Variants in CRYBG1 observed in about 807,000 individuals in gnomAD.
CRYBG1 encodes crystallin beta-gamma domain containing 1.
CRYBG1 carries 139 observed loss-of-function variants against 189.2 expected under a neutral mutation model. That is an observed-to-expected ratio of 0.73 (90% CI 0.64 to 0.85). CRYBG1 has a LOEUF of 0.85. Among genes scored for constraint, CRYBG1 ranks in the 40% least tolerant of loss-of-function variants. The pLI is 0.00. For missense variants in CRYBG1, 2,611 were observed against 2,675.8 expected (o/e 0.98, Z 0.53); for synonymous variants, 1,023 against 1,017.1 (o/e 1.01, Z -0.11).
At chr6:106,566,462 G>GTTTTT (rs1312190668) in intron 21 of CRYBG1, among the ~76,000 whole-genome samples, 4 of 90,966 alleles carry the variant, frequency 4.4e-5, no homozygotes, top group African/African-American at 9.3e-5. Flanking sequence ...AGCAACAACA[G>GTTTTT]TCTTTTTTTT....
chr6:106,527,546 T>G, intron 7 of CRYBG1, 76 bp downstream of exon 7: 2 of 1,454,804 alleles, frequency 1.4e-6, no homozygotes. Flanking sequence ...AATGATCATT[T>G]TACGAAATAT....
intron 2 of CRYBG1, among the ~76,000 whole-genome samples, chr6:106,479,538 A>G (rs1257372507): frequency 1.3e-5 from 2 of 152,150 alleles, no homozygotes; most frequent in Non-Finnish European, 2.9e-5. Context: ...TCATTTAACA[A>G]TCCCACCAGT....
At chr6:106,551,098 T>C (rs4946762) in intron 13 of CRYBG1, among the ~76,000 whole-genome samples, 121,866 of 152,050 alleles carry the variant, frequency 0.8, 51,856 homozygotes, top group South Asian at 0.96. Context: ...AACCTGAGCA[T>C]AGCATGCAAC....
At chr6:106,539,236 T>A (rs1774074007) in intron 8 of CRYBG1, among the ~76,000 whole-genome samples, 167 bp from the exon 9 acceptor site, 1 of 152,232 alleles carries the variant, frequency 6.6e-6, no homozygotes, top group Non-Finnish European at 1.5e-5. Flanking sequence ...AATGGCTTTA[T>A]TTTTCCTTGA....
intron 8 of CRYBG1, 86 bp downstream of exon 8, chr6:106,530,401 CTAATT>C: frequency 2.3e-6 from 3 of 1,277,984 alleles, no homozygotes; most frequent in Non-Finnish European, 3.2e-6. Context: ...TACTCTGACT[CTAATT>C]TGTCATCCTG....
chr6:106,388,119 C>T (rs1215447991), intron 1 of CRYBG1, among the ~76,000 whole-genome samples: 1 of 152,190 alleles, frequency 6.6e-6, no homozygotes, highest in Non-Finnish European at 1.5e-5. Flanking sequence ...TATGCCACCT[C>T]ACCATGAACC....
intron 4 of CRYBG1, among the ~76,000 whole-genome samples, chr6:106,523,505 A>C (rs564646739): frequency 6.6e-6 from 1 of 152,290 alleles, no homozygotes; most frequent in South Asian, 2.1e-4. Flanking sequence ...AAAAAGGAAA[A>C]ATAAAATCTT....
At position 106,512,622 on chromosome 6, in the gene CRYBG1, G is replaced by A. The variant is rs1562096419; in HGVS notation, c.1505G>A (p.Arg502Gln). 6 of 1,598,516 alleles carry A rather than the reference G, an allele frequency of 3.8e-6. No homozygotes were observed. The highest frequency in any genetic ancestry group is 4.3e-6 in the Non-Finnish European group (5 of 1,173,630). The change falls in exon 3 of 22, where the codon CGG (arginine) becomes CAG (glutamine). Residue 502 changes from arginine (R) to glutamine (Q), a missense_variant. Arg to Gln is a conservative substitution (Grantham distance 43, BLOSUM62 1). Coordinates refer to ENST00000633556, the MANE Select transcript of CRYBG1 (RefSeq NM_001371242.2). ...GGGCAGCTCCGAGGGGAGTCGGACC[G>A]GAGCAAACAGCCACCCCCGGCTTCG... ...TKGQLRGESD[R>Q]SKQPPPASSP...
chr6:106,487,463 G>T (rs188380582), intron 2 of CRYBG1, among the ~76,000 whole-genome samples: 189 of 152,168 alleles, frequency 1.2e-3, no homozygotes, highest in Admixed American at 1.9e-3. Flanking sequence ...TGTAAGCCTG[G>T]TCTACTGGTG....
chr6:106,539,295 CG>C, intron 8 of CRYBG1, 107 bp from the exon 9 acceptor site: 1 of 1,322,194 alleles, frequency 7.6e-7, no homozygotes, highest in East Asian at 2.4e-5. Context: ...TATGTAGGTC[CG>C]TATCCTCTCC....
chr6:106,470,234 A>C (rs1772203373), intron 2 of CRYBG1, among the ~76,000 whole-genome samples: 1 of 152,154 alleles, frequency 6.6e-6, no homozygotes, highest in Non-Finnish European at 1.5e-5. Flanking sequence ...TGAGGAGGGA[A>C]GATCCCTTGA....
At chr6:106,368,173 G>C (rs1032871607) in intron 1 of CRYBG1, among the ~76,000 whole-genome samples, 1 of 152,036 alleles carries the variant, frequency 6.6e-6, no homozygotes, top group African/African-American at 2.4e-5. Context: ...CAGCACTTTG[G>C]GAGGTGGAGG....
chr6:106,519,622 T>C lies in CRYBG1; in HGVS notation c.2414T>C (p.Ile805Thr). ...TCAGAACCAGTGGCTTCTGCTCTGATTCCTGTCAAGGATCATAAGCTCTTA... is the reference window on the plus strand; with the variant it reads ...TCAGAACCAGTGGCTTCTGCTCTGACTCCTGTCAAGGATCATAAGCTCTTA... Reference protein sequence around the residue: ...CLSEPVASALIPVKDHKLLEK... With the variant: ...CLSEPVASALTPVKDHKLLEK... Residue 805 changes from isoleucine to threonine, a missense_variant, in exon 4 of 22, where the codon ATT becomes ACT. Ile to Thr is a moderately conservative substitution (Grantham distance 89). Transcript: ENST00000633556. 1 of 1,614,220 alleles carries C rather than the reference T, an allele frequency of 6.2e-7. No homozygotes were observed. The highest frequency in any genetic ancestry group is 8.5e-7 in the Non-Finnish European group (1 of 1,180,036).
rs540677202 is a variant in CRYBG1, at chr6:106,381,212, A to G, written c.173+20131A>G. On this transcript the variant is annotated intron_variant, in intron 1 of 21. Coordinates refer to ENST00000633556, the MANE Select transcript of CRYBG1 (RefSeq NM_001371242.2). ...ACTAATGACAAAAATTCAGGGGACA[A>G]AAAAGTTTACAAAATTTGTGTCTGG... is the stretch of plus-strand genomic sequence containing the variant. Among the ~76,000 whole-genome samples the G allele has an allele frequency of 9.2e-5, 14 of 152,322 alleles. No individual in the cohort carries two copies. In the South Asian group the frequency reaches 2.7e-3, roughly 29 times the overall value.
At chr6:106,561,645 C>A in intron 20 of CRYBG1, 145 bp downstream of exon 20, 1 of 959,302 alleles carries the variant, frequency 1.0e-6, no homozygotes, top group Non-Finnish European at 1.5e-6. Context: ...TTTTTCATGA[C>A]AGTATATCCT....
Position 106,552,166 on chromosome 6 carries a change from TC to T in CRYBG1, c.5440-16del. The T allele has an allele frequency of 6.3e-7, 1 of 1,582,378 alleles. No individual in the cohort carries two copies. Among genetic ancestry groups the T allele is most frequent in the Non-Finnish European group, 8.6e-7 (1 of 1,161,534 alleles). On this transcript the variant is annotated splice_polypyrimidine_tract_variant and intron_variant, in intron 14 of 21. Transcript: ENST00000633556. ...TGTTCTATTCATTTCCTTTTCTCCTTCCTTTAAAAATTTTTAGGATTCTTTC... is the reference window on the plus strand; with the variant it reads ...TGTTCTATTCATTTCCTTTTCTCCTTCTTTAAAAATTTTTAGGATTCTTTC...
At chr6:106,402,725 G>A (rs2883224) in intron 1 of CRYBG1, among the ~76,000 whole-genome samples, 7,454 of 152,138 alleles carry the variant, frequency 0.049, 631 homozygotes, top group African/African-American at 0.17. Context: ...GAGTCACTCC[G>A]GATCATTCAG....
chr6:106,555,981 C>A, intron 17 of CRYBG1, 84 bp downstream of exon 17: 3 of 1,502,610 alleles, frequency 2.0e-6, no homozygotes, highest in Non-Finnish European at 2.8e-6. Flanking sequence ...GCCGGTAGAA[C>A]CTGCTCTTAA....
intron 1 of CRYBG1, among the ~76,000 whole-genome samples, chr6:106,433,744 T>TATATAC (rs1562305824): frequency 1.0e-4 from 2 of 19,048 alleles, no homozygotes; most frequent in African/African-American, 6.4e-4. Context: ...TACATATATA[T>TATATAC]GTATATATAT....
Sources: allele counts gnomAD v4.1 joint callset (sites outside exome capture counted in the v4.1 genomes callset), GRCh38; gene constraint gnomAD v4.1.1; transcripts MANE v1.5; gene names NCBI Gene and HGNC (gene_info 2026-07-23, HGNC 2026-07-21).